Variants in HIVEP1 observed in about 807,000 individuals in gnomAD.
HIVEP1 encodes HIVEP zinc finger 1.
Under a neutral mutation model 180.0 loss-of-function variants are expected in HIVEP1, and 36 were observed. The ratio of observed to expected loss-of-function variants is 0.20; its 90% CI spans 0.15 to 0.26. HIVEP1 has a LOEUF of 0.26. Ranked by LOEUF, HIVEP1 falls within the 10% of genes least tolerant of loss-of-function variation. HIVEP1 has a pLI of 1.00. For missense variants in HIVEP1, 3,143 were observed against 3,268.7 expected (o/e 0.96, Z 0.94); for synonymous variants, 1,239 against 1,239.0 (o/e 1.00, Z 0.00).
Position 12,154,699 on chromosome 6 carries a change from G to A in HIVEP1, c.6488-6740G>A, listed in dbSNP as rs555386770. 2.0e-5 allele frequency among the ~76,000 whole-genome samples: 3 copies of A among 152,256 alleles called. No homozygotes were observed. The South Asian group carries it at 6.2e-4, about 32-fold the overall frequency. On this transcript the variant is annotated intron_variant, in intron 7 of 8. Coordinates refer to ENST00000379388, the MANE Select transcript of HIVEP1 (RefSeq NM_002114.4). ...CAAATACCTAATGCATACGGGGCTT[G>A]AAACCTAGAAGACGGGTTGATGGGT...
intron 7 of HIVEP1, among the ~76,000 whole-genome samples, chr6:12,152,239 G>T (rs1251743197): frequency 6.6e-6 from 1 of 152,214 alleles, no homozygotes; most frequent in Non-Finnish European, 1.5e-5. Context: ...TAAGTAACAT[G>T]CAGTAGCAAA....
chr6:12,207,104 TGA>T, the HIVEP1 span, among the ~76,000 whole-genome samples: 2 of 152,222 alleles, frequency 1.3e-5, no homozygotes, highest in East Asian at 3.8e-4. Flanking sequence ...CTGATTCTGC[TGA>T]GTTTTTAAGT....
intron 2 of HIVEP1, among the ~76,000 whole-genome samples, chr6:12,053,982 A>C (rs1385664346): frequency 6.6e-6 from 1 of 152,122 alleles, no homozygotes; most frequent in Non-Finnish European, 1.5e-5. Context: ...TGTGAGCTAC[A>C]ACTTGTTAGT....
At chr6:12,140,653 A>G (rs1758968713) in intron 7 of HIVEP1, among the ~76,000 whole-genome samples, 1 of 152,226 alleles carries the variant, frequency 6.6e-6, no homozygotes, top group Non-Finnish European at 1.5e-5. Context: ...TAACTAGAAT[A>G]AACAGTGTAG....
At chr6:12,024,824 G>C (rs899198661) in intron 2 of HIVEP1, among the ~76,000 whole-genome samples, 1 of 152,194 alleles carries the variant, frequency 6.6e-6, no homozygotes, top group African/African-American at 2.4e-5. Context: ...TGTGTTGCTG[G>C]GTTCTTGTGC....
intron 7 of HIVEP1, among the ~76,000 whole-genome samples, chr6:12,156,453 G>T (rs1760053474): frequency 6.6e-6 from 1 of 151,874 alleles, no homozygotes; most frequent in African/African-American, 2.4e-5. Context: ...TCTGCATATG[G>T]CTAGCCAGTT....
intron 3 of HIVEP1, among the ~76,000 whole-genome samples, chr6:12,090,421 T>A (rs967528529): frequency 1.3e-5 from 2 of 152,102 alleles, no homozygotes; most frequent in East Asian, 3.9e-4. Flanking sequence ...CCATCCCAGT[T>A]CTCCATCCCT....
intron 1 of HIVEP1, among the ~76,000 whole-genome samples, chr6:12,013,588 C>A (rs1767536670): frequency 6.6e-6 from 1 of 152,176 alleles, no homozygotes; most frequent in South Asian, 2.1e-4. Flanking sequence ...GGATTACAGT[C>A]AGAGTTCACG....
chr6:12,040,544 A>G, intron 2 of HIVEP1, among the ~76,000 whole-genome samples: 1 of 152,188 alleles, frequency 6.6e-6, no homozygotes, highest in East Asian at 1.9e-4. Context: ...ACAGTAATAT[A>G]TTCAATATAT....
At chr6:12,168,063 ACATATATATGTGT>A (rs1562024368), downstream of HIVEP1, among the ~76,000 whole-genome samples, 29 of 17,056 alleles carry the variant, frequency 1.7e-3, 4 homozygotes, top group South Asian at 7.9e-3. Flanking sequence ...GTGTATATAT[ACATATATATGTGT>A]ATATATACAT....
At chr6:12,149,417 T>C (rs944105352) in intron 7 of HIVEP1, among the ~76,000 whole-genome samples, 1 of 152,212 alleles carries the variant, frequency 6.6e-6, no homozygotes, top group African/African-American at 2.4e-5. Context: ...TGATCTTTTC[T>C]GTAGCATAAA....
intron 8 of HIVEP1, among the ~76,000 whole-genome samples, 153 bp from the exon 9 acceptor site, chr6:12,163,130 C>T (rs550477716): frequency 2.6e-4 from 40 of 152,090 alleles, no homozygotes; most frequent in Non-Finnish European, 3.8e-4. Flanking sequence ...TTTTAAAAAT[C>T]GAAAAATAAT....
intron 4 of HIVEP1, among the ~76,000 whole-genome samples, chr6:12,126,728 A>G (rs1279393100): frequency 1.3e-5 from 2 of 152,212 alleles, no homozygotes; most frequent in African/African-American, 4.8e-5. Context: ...AACAATTCTA[A>G]AGAAGGAAGT....
At chr6:12,168,448 TG>T (rs1483328344), downstream of HIVEP1, among the ~76,000 whole-genome samples, 2 of 145,260 alleles carry the variant, frequency 1.4e-5, no homozygotes, top group Non-Finnish European at 3.0e-5. Flanking sequence ...CATTACCAAG[TG>T]GGGAAAAAAA....
intron 2 of HIVEP1, among the ~76,000 whole-genome samples, chr6:12,023,886 TCTC>T (rs1320870753): frequency 2.0e-5 from 3 of 152,188 alleles, no homozygotes; most frequent in African/African-American, 7.2e-5. Context: ...TTGTGTAAAA[TCTC>T]CTATCATAGA....
At chr6:12,137,499 A>T (rs995183857) in intron 7 of HIVEP1, among the ~76,000 whole-genome samples, 2 of 152,224 alleles carry the variant, frequency 1.3e-5, no homozygotes, top group Admixed American at 1.3e-4. Flanking sequence ...CTCAAAGTTG[A>T]TATCCTAATT....
At chr6:12,041,295 A>G (rs530317035) in intron 2 of HIVEP1, among the ~76,000 whole-genome samples, 89 of 151,794 alleles carry the variant, frequency 5.9e-4, no homozygotes, top group South Asian at 1.9e-3. Flanking sequence ...GGTGGTGGGC[A>G]CCTGTAGTCC....
At chr6:12,136,937 A>G (rs1334934398) in intron 7 of HIVEP1, among the ~76,000 whole-genome samples, 1 of 152,222 alleles carries the variant, frequency 6.6e-6, no homozygotes, top group African/African-American at 2.4e-5. Flanking sequence ...TGAATTAAAC[A>G]TTTACGTGCT....
intron 3 of HIVEP1, among the ~76,000 whole-genome samples, chr6:12,114,184 C>T (rs1205318901): frequency 6.6e-6 from 1 of 152,186 alleles, no homozygotes; most frequent in Non-Finnish European, 1.5e-5. Context: ...TCCTCATGCC[C>T]TCCTTCACTC....
Sources: allele counts gnomAD v4.1 joint callset (sites outside exome capture counted in the v4.1 genomes callset), GRCh38; gene constraint gnomAD v4.1.1; transcripts MANE v1.5; gene names NCBI Gene and HGNC (gene_info 2026-07-23, HGNC 2026-07-21).